POLR3A: variants seen among roughly 807,000 people sequenced by gnomAD.
The protein encoded by POLR3A is DNA-directed RNA polymerase III subunit RPC1.
In POLR3A, 112 loss-of-function variants were observed where a neutral mutation model predicts 152.8. The observed-to-expected ratio is 0.73, with a 90% CI of 0.63 to 0.86. POLR3A has a LOEUF of 0.86. Ranked by LOEUF, POLR3A falls within the 40% of genes least tolerant of loss-of-function variation. The probability of loss-of-function intolerance (pLI) is 0.00; values close to 1 mark genes in which losing one functional copy is unlikely to be tolerated. For synonymous variants in POLR3A, 615 were observed against 652.1 expected (o/e 0.94, Z 0.87); for missense variants, 1,385 against 1,743.1 (o/e 0.79, Z 3.66).
At chr10:78,019,547 TG>T (rs887808314) in intron 8 of POLR3A, 1 of 477,230 alleles carries the variant, frequency 2.1e-6, no homozygotes, top group African/African-American at 2.0e-5. Flanking sequence ...TAGGCTAGAC[TG>T]ATCTATAGGA....
chr10:78,003,589 C>T (rs1452376315), intron 16 of POLR3A, among the ~76,000 whole-genome samples: 1 of 152,202 alleles, frequency 6.6e-6, no homozygotes, highest in Non-Finnish European at 1.5e-5. Flanking sequence ...AATTCTCCCT[C>T]TTCCGCATCC....
Position 78,000,093 on chromosome 10 carries a change from G to A in POLR3A, c.2504C>T (p.Ala835Val). 1 of 1,614,032 alleles carries A rather than the reference G, an allele frequency of 6.2e-7. No individual in the cohort carries two copies. The highest frequency in any genetic ancestry group is 8.5e-7 in the Non-Finnish European group (1 of 1,179,966). The change falls in exon 19 of 31, where the codon GCT (alanine) becomes GTT (valine). Residue 835 changes from alanine (A) to valine (V), a missense_variant. By Grantham distance (64) the Ala-to-Val change is moderately conservative. This residue lies in a region of POLR3A where 170 missense variants were observed against 231.2 expected (regional missense o/e 0.74). Transcript: ENST00000372371. Reference sequence around the variant, plus strand: ...TGTCAAACCGGAATAAAAGCTATTAGCCACAAAGCCTTTGGCAGCTGGGAG... The same window carrying A: ...TGTCAAACCGGAATAAAAGCTATTAACCACAAAGCCTTTGGCAGCTGGGAG... ...SKLPAAKGFV[A>V]NSFYSGLTPT...
intron 17 of POLR3A, 77 bp downstream of exon 17, chr10:78,002,120 T>C (rs1847362823): frequency 1.3e-6 from 1 of 772,296 alleles, no homozygotes; most frequent in Non-Finnish European, 2.2e-6. Flanking sequence ...TTTGGAGCTG[T>C]GACTATCACA....
rs948149949 is a variant in POLR3A, at chr10:78,009,628, C to A, written c.1818G>T (p.Arg606Ser). The change falls in exon 14 of 31, where the codon AGG becomes AGT. Residue 606 changes from arginine to serine, a missense_variant. Physicochemically the swap from Arg to Ser is moderately radical, Grantham distance 110. Transcript: ENST00000372371. ...TGKQIFSVIL[R>S]PSDDNPVRAN... ...CCCTCACTGGATTGTCATCGCTAGG[C>A]CTGAGGATGACACTGAAGATCTGCT... 5 of 1,614,170 alleles carry A rather than the reference C, an allele frequency of 3.1e-6. No individual in the cohort carries two copies. Among genetic ancestry groups the A allele is most frequent in the Non-Finnish European group, 4.2e-6 (5 of 1,180,028 alleles).
In POLR3A at chr10:78,004,701, A is replaced by G. The variant is rs1294227507; in HGVS notation, c.2247+15T>C. On this transcript the variant is annotated intron_variant, in intron 16 of 30. Transcript: ENST00000372371. Reference sequence around the variant, plus strand: ...CACGGCAAGTGGCGACCCTGAACCAAAGGGCCGGGCTCACCTCCAGGGTCT... The same window carrying G: ...CACGGCAAGTGGCGACCCTGAACCAGAGGGCCGGGCTCACCTCCAGGGTCT... 6.2e-7 allele frequency: 1 copy of G among 1,608,978 alleles called. No individual in the cohort carries two copies. Among genetic ancestry groups the G allele is most frequent in the South Asian group, 1.1e-5 (1 of 90,898 alleles).
In POLR3A at chr10:77,977,587, A is replaced by G. The variant is rs1226534677; in HGVS notation, c.4064T>C (p.Ile1355Thr). 1.9e-6 allele frequency: 3 copies of G among 1,614,026 alleles called. No individual in the cohort carries two copies. The highest frequency in any genetic ancestry group is 2.2e-5 in the South Asian group (2 of 91,072). ...ECIIMGIPMN[I>T]GTGLFKLLHK... ...AAGCAGCTTGAAGAGCCCGGTTCCA[A>G]TGTTCATTGGGATTCCCATGATGAT... The change falls in exon 31 of 31, where the codon ATT (isoleucine) becomes ACT (threonine). Residue 1355 changes from isoleucine (I) to threonine (T), a missense_variant. Ile to Thr is a moderately conservative substitution (Grantham distance 89, BLOSUM62 -1). Around this residue, in one of 7 missense-constraint regions of POLR3A, gnomAD observed 332 missense variants for 400.1 expected, o/e 0.83. Coordinates refer to ENST00000372371, the MANE Select transcript of POLR3A (RefSeq NM_007055.4).
intron 10 of POLR3A, among the ~76,000 whole-genome samples, chr10:78,014,753 G>T (rs961272718): frequency 2.0e-5 from 3 of 151,818 alleles, no homozygotes; most frequent in African/African-American, 7.3e-5. Flanking sequence ...GAACACAGGA[G>T]AGCACTAAGT....
Position 78,000,051 on chromosome 10 carries a change from A to G in POLR3A, c.2546T>C (p.Phe849Ser). 1 of 1,614,122 alleles carries G rather than the reference A, an allele frequency of 6.2e-7. No individual in the cohort carries two copies. The highest frequency in any genetic ancestry group is 8.5e-7 in the Non-Finnish European group (1 of 1,179,986). Reference sequence around the variant, plus strand: ...ACCTTCCCGGCCGGCCATTGTGTGGAAGAAAAACTCAGTTGGTGTCAAACC... The same window carrying G: ...ACCTTCCCGGCCGGCCATTGTGTGGGAGAAAAACTCAGTTGGTGTCAAACC... ...YSGLTPTEFF[F>S]HTMAGREGLV... The change falls in exon 19 of 31, where the codon TTC (phenylalanine) becomes TCC (serine). Residue 849 changes from phenylalanine (F) to serine (S), a missense_variant. Phe to Ser is a radical substitution (Grantham distance 155, BLOSUM62 -2). Coordinates refer to ENST00000372371, the MANE Select transcript of POLR3A (RefSeq NM_007055.4).
Position 78,024,714 on chromosome 10 carries a change from T to C in POLR3A, c.491-11A>G. On this transcript the variant is annotated splice_polypyrimidine_tract_variant and intron_variant, in intron 4 of 30. Transcript: ENST00000372371. The stretch of plus-strand genomic sequence containing the variant: ...ACTTCTTTACGGTACCTATAAGGGT[T>C]AGTTTATTTACCAAGAAATAAAAAA... 1.9e-6 allele frequency: 3 copies of C among 1,608,972 alleles called. No individual in the cohort carries two copies. The highest frequency in any genetic ancestry group is 2.6e-6 in the Non-Finnish European group (3 of 1,175,526).
chr10:77,991,989 C>A (rs1847254238), intron 20 of POLR3A, among the ~76,000 whole-genome samples: 1 of 152,258 alleles, frequency 6.6e-6, no homozygotes, highest in Non-Finnish European at 1.5e-5. Context: ...ATAGTTAGAC[C>A]ATTTCTAGAG....
intron 30 of POLR3A, among the ~76,000 whole-genome samples, chr10:77,979,331 T>C (rs1847117907): frequency 1.3e-5 from 2 of 152,212 alleles, no homozygotes; most frequent in Admixed American, 1.3e-4. Context: ...TGTGTGGGCC[T>C]GACTGGTGTG....
At chr10:78,012,728 T>C (rs971514037) in intron 11 of POLR3A, among the ~76,000 whole-genome samples, 2 of 151,346 alleles carry the variant, frequency 1.3e-5, no homozygotes, top group African/African-American at 4.8e-5. Context: ...GGTTTTTTTT[T>C]TTTCTTCTTT....
chr10:78,024,493 T>G (rs1847612357), intron 5 of POLR3A, 56 bp downstream of exon 5: 3 of 1,588,528 alleles, frequency 1.9e-6, no homozygotes, highest in East Asian at 4.5e-5. Context: ...GCATGTGACG[T>G]GCGGAAGAGG....
chr10:78,014,048 T>C (rs1847492724), intron 10 of POLR3A, among the ~76,000 whole-genome samples: 1 of 151,782 alleles, frequency 6.6e-6, no homozygotes, highest in Non-Finnish European at 1.5e-5. Context: ...TCCCAGTAAC[T>C]TGGGAGGCTG....
chr10:78,012,853 C>T lies in POLR3A; in HGVS notation c.1572+797G>A, dbSNP rs765157048. On this transcript the variant is annotated intron_variant, in intron 11 of 30. Transcript: ENST00000372371. ...CCTCCCATTTCAGCTTCCTGAGTAG[C>T]TGGGACTACAGGCGTGCGCCACCAC... Among the ~76,000 whole-genome samples the T allele has an allele frequency of 2.0e-5, 3 of 152,126 alleles. 1 individual carries two copies. Among genetic ancestry groups the T allele is most frequent in the Admixed American group, 1.3e-4 (2 of 15,270 alleles).
intron 14 of POLR3A, among the ~76,000 whole-genome samples, chr10:78,008,361 A>G (rs986356301): frequency 2.6e-5 from 4 of 152,244 alleles, no homozygotes; most frequent in African/African-American, 9.6e-5. Flanking sequence ...AAGTATTTTG[A>G]AGATCAGAGA....
chr10:78,026,070 C>G, intron 2 of POLR3A, 24 bp downstream of exon 2: 1 of 1,613,590 alleles, frequency 6.2e-7, no homozygotes, highest in Non-Finnish European at 8.5e-7. Context: ...GACACAGTTA[C>G]CAGGAGGGGT....
At chr10:78,026,439 G>C (rs1485897114) in intron 1 of POLR3A, among the ~76,000 whole-genome samples, 1 of 152,020 alleles carries the variant, frequency 6.6e-6, no homozygotes, top group Non-Finnish European at 1.5e-5. Flanking sequence ...CACCATCAAA[G>C]GAACAGTGCT....
chr10:77,993,102 A>T, intron 20 of POLR3A, 95 bp downstream of exon 20: 1 of 917,364 alleles, frequency 1.1e-6, no homozygotes, highest in Non-Finnish European at 1.8e-6. Flanking sequence ...ATACTGAAGT[A>T]TTTATTAACT....
Sources: gnomAD v4.1 joint callset for allele counts (sites outside exome capture counted in the v4.1 genomes callset) on GRCh38, gnomAD v4.1.1 for gene constraint, gnomAD v4.1.1 regional missense constraint, MANE v1.5 for transcripts, NCBI Gene and HGNC (gene_info 2026-07-23, HGNC 2026-07-21) for gene names.